SEC23A: variants seen among roughly 807,000 people sequenced by gnomAD.
The protein encoded by SEC23A is protein transport protein Sec23A.
In SEC23A, 56 loss-of-function variants were observed where a neutral mutation model predicts 103.7. The ratio of observed to expected loss-of-function variants is 0.54; its 90% CI spans 0.44 to 0.67. The LOEUF is 0.67. Ranked by LOEUF, SEC23A falls within the 30% of genes least tolerant of loss-of-function variation. The pLI is 0.00. For synonymous variants in SEC23A, 281 were observed against 293.0 expected, an observed-to-expected ratio of 0.96 and a Z score of 0.42; for missense variants, 784 against 936.4, an observed-to-expected ratio of 0.84 and a Z score of 2.12.
At chr14:39,049,197 G>C (rs996111649) in intron 14 of SEC23A, among the ~76,000 whole-genome samples, 1 of 151,764 alleles carries the variant, frequency 6.6e-6, no homozygotes, top group Admixed American at 6.6e-5. Context: ...AAAAATTGTG[G>C]CCGGGCGCAG....
chr14:39,069,188 A>C (rs1456411088), intron 9 of SEC23A, among the ~76,000 whole-genome samples: 1 of 152,112 alleles, frequency 6.6e-6, no homozygotes, highest in Non-Finnish European at 1.5e-5. Flanking sequence ...CCAAAATCCA[A>C]CTACTTCCCA....
rs758523399 is a variant in SEC23A at position 39,095,895 on chromosome 14, T to C, written c.221+3A>G. On this transcript the variant is annotated splice_donor_region_variant and intron_variant, in intron 2 of 19. Transcript: ENST00000307712. ...CATTAGTTTTTCTATATATTTTACT[T>C]ACCATAAAGGATTCAAAACTGCACG... 5 of 1,594,472 alleles carry C rather than the reference T, an allele frequency of 3.1e-6. No individual in the cohort carries two copies. The African/African-American group carries it at 4.0e-5, about 13-fold the overall frequency.
At chr14:39,089,072 G>C (rs1409083296) in intron 5 of SEC23A, among the ~76,000 whole-genome samples, 2 of 151,018 alleles carry the variant, frequency 1.3e-5, no homozygotes, top group Non-Finnish European at 2.9e-5. Context: ...TACTCGGGAG[G>C]CTGAGGCAGG....
intron 1 of SEC23A, among the ~76,000 whole-genome samples, chr14:39,101,377 T>C (rs1023540699): frequency 6.6e-6 from 1 of 151,966 alleles, no homozygotes; most frequent in Non-Finnish European, 1.5e-5. Flanking sequence ...CCCAGCACTT[T>C]TGGAGGCCGA....
chr14:39,072,014 T>G (rs1886856450), intron 9 of SEC23A, among the ~76,000 whole-genome samples: 1 of 151,822 alleles, frequency 6.6e-6, no homozygotes, highest in African/African-American at 2.4e-5. Context: ...TGGGTGGATC[T>G]CTTGAGATCA....
At position 39,033,095 on chromosome 14, in the gene SEC23A, C is replaced by T. The variant is rs1885352834; in HGVS notation, c.*144G>A. 6.0e-6 allele frequency: 4 copies of T among 662,394 alleles called. No homozygotes were observed. The highest frequency in any genetic ancestry group is 2.7e-5 in the East Asian group (1 of 37,324). The allele number at this position is 662,394 out of a possible 1,614,324, so 41.0% of individuals were successfully genotyped here. A position where few individuals can be genotyped will look rare whatever the true frequency, so the allele number is the denominator to read the frequency against. On this transcript the variant is annotated 3_prime_UTR_variant, in exon 20 of 20. Coordinates refer to ENST00000307712, the MANE Select transcript of SEC23A (RefSeq NM_006364.4). The stretch of plus-strand genomic sequence containing the variant: ...TTCCAGCTTAATCTACAAATGTGAA[C>T]ATTTTCCATATGTTGTCTCAAACCA...
intron 7 of SEC23A, among the ~76,000 whole-genome samples, chr14:39,078,076 CTTGTCTGAAAAAAA>C (rs1414342577): frequency 1.3e-5 from 2 of 151,722 alleles, no homozygotes; most frequent in African/African-American, 2.4e-5. Flanking sequence ...AAAGGGAGAC[CTTGTCTGAAAAAAA>C]TAAATAAATA....
At chr14:39,100,261 T>C (rs961040393) in intron 1 of SEC23A, among the ~76,000 whole-genome samples, 1 of 152,154 alleles carries the variant, frequency 6.6e-6, no homozygotes, top group Non-Finnish European at 1.5e-5. Context: ...TCCAATTACA[T>C]GGCTATGCAC....
intron 14 of SEC23A, among the ~76,000 whole-genome samples, chr14:39,049,395 G>C (rs1885964298): frequency 6.6e-6 from 1 of 151,756 alleles, no homozygotes; most frequent in Non-Finnish European, 1.5e-5. Context: ...AGAATTGCTT[G>C]AATCCGGAAG....
intron 8 of SEC23A, among the ~76,000 whole-genome samples, chr14:39,075,075 C>G (rs1157264091): frequency 6.6e-6 from 1 of 152,016 alleles, no homozygotes; most frequent in Non-Finnish European, 1.5e-5. Context: ...CCATTGTACT[C>G]CAGTCTGGGC....
intron 14 of SEC23A, among the ~76,000 whole-genome samples, chr14:39,049,701 C>T (rs1885981551): frequency 1.3e-5 from 2 of 151,684 alleles, no homozygotes; most frequent in Admixed American, 6.6e-5. Context: ...TTGCTTGAGC[C>T]TAGGAGGTTG....
At chr14:39,091,394 G>A in intron 5 of SEC23A, 83 bp downstream of exon 5, 1 of 956,486 alleles carries the variant, frequency 1.0e-6, no homozygotes, top group Non-Finnish European at 1.7e-6. Context: ...ATAAAAATTT[G>A]TCCTAGAAAC....
At chr14:39,086,675 G>GT (rs1042404503) in intron 6 of SEC23A, among the ~76,000 whole-genome samples, 2 of 151,870 alleles carry the variant, frequency 1.3e-5, no homozygotes, top group African/African-American at 4.8e-5. Flanking sequence ...ACAAAAACAA[G>GT]TTTTTTCCAA....
chr14:39,066,849 G>A (rs1222989006), intron 10 of SEC23A, among the ~76,000 whole-genome samples: 1 of 151,930 alleles, frequency 6.6e-6, no homozygotes, highest in Non-Finnish European at 1.5e-5. Flanking sequence ...GGCGACAGAG[G>A]AAGACTCTGT....
intron 12 of SEC23A, among the ~76,000 whole-genome samples, chr14:39,062,801 AATAT>A (rs953297152): frequency 4.6e-5 from 7 of 152,150 alleles, no homozygotes; most frequent in African/African-American, 1.4e-4. Flanking sequence ...AAAAACTATT[AATAT>A]ATAAGTCAGT....
chr14:39,080,697 C>T (rs1887196998), intron 7 of SEC23A, among the ~76,000 whole-genome samples: 1 of 152,102 alleles, frequency 6.6e-6, no homozygotes, highest in African/African-American at 2.4e-5. Flanking sequence ...TGAGCCACTG[C>T]GCCTGGCCGG....
chr14:39,077,606 T>C (rs1165874402), intron 7 of SEC23A, among the ~76,000 whole-genome samples: 1 of 152,018 alleles, frequency 6.6e-6, no homozygotes, highest in South Asian at 2.1e-4. Context: ...AAAGTATGCA[T>C]GACTTACACT....
At chr14:39,035,831 T>C (rs185731342) in intron 19 of SEC23A, among the ~76,000 whole-genome samples, 312 of 152,234 alleles carry the variant, frequency 2.0e-3, no homozygotes, top group Non-Finnish European at 2.8e-3. Flanking sequence ...CCATAAAAAA[T>C]GGAGGCGGGA....
chr14:39,097,040 CTT>C (rs1019149227), intron 1 of SEC23A, among the ~76,000 whole-genome samples: 1 of 152,188 alleles, frequency 6.6e-6, no homozygotes, highest in Non-Finnish European at 1.5e-5. Context: ...CATTTAGACT[CTT>C]TTGCAGAAAC....
Sources: allele counts gnomAD v4.1 joint callset (sites outside exome capture counted in the v4.1 genomes callset), GRCh38; gene constraint gnomAD v4.1.1; transcripts MANE v1.5; gene names NCBI Gene and HGNC (gene_info 2026-07-23, HGNC 2026-07-21).